IL1RAP: variants seen among roughly 807,000 people sequenced by gnomAD.
The protein encoded by IL1RAP is interleukin 1 receptor accessory protein.
Under a neutral mutation model 60.7 loss-of-function variants are expected in IL1RAP, and 35 were observed. The ratio of observed to expected loss-of-function variants is 0.58; its 90% CI spans 0.44 to 0.76. IL1RAP has a LOEUF of 0.76. Among genes scored for constraint, IL1RAP ranks in the 30% least tolerant of loss-of-function variants. The pLI, the probability that IL1RAP is intolerant of heterozygous loss-of-function variation, is 0.00. For synonymous variants in IL1RAP, 268 were observed against 250.9 expected (o/e 1.07, Z -0.64); for missense variants, 572 against 693.9 (o/e 0.82, Z 1.97).
At chr3:190,589,965 G>C (rs1390880668) in intron 3 of IL1RAP, among the ~76,000 whole-genome samples, 1 of 152,144 alleles carries the variant, frequency 6.6e-6, no homozygotes, top group Non-Finnish European at 1.5e-5. Context: ...CTTGGCTCTG[G>C]TAAAAGGCAA....
At chr3:190,603,441 G>C (rs1056342716) in intron 3 of IL1RAP, among the ~76,000 whole-genome samples, 2 of 152,092 alleles carry the variant, frequency 1.3e-5, no homozygotes, top group African/African-American at 4.8e-5. Flanking sequence ...GAGGTCTACT[G>C]TCCTGCTGTC....
chr3:190,626,760 T>C (rs1732315870), intron 7 of IL1RAP, among the ~76,000 whole-genome samples: 1 of 134,244 alleles, frequency 7.4e-6, no homozygotes, highest in African/African-American at 2.9e-5. Context: ...AACCTCCACC[T>C]CCTGAGTTCA....
intron 3 of IL1RAP, among the ~76,000 whole-genome samples, chr3:190,575,055 G>T (rs2108658465): frequency 6.6e-6 from 1 of 152,208 alleles, no homozygotes; most frequent in Admixed American, 6.5e-5. Context: ...ATAAAAGGAT[G>T]ATAAGTATTG....
intron 3 of IL1RAP, among the ~76,000 whole-genome samples, chr3:190,585,211 T>G (rs572298749): frequency 1.3e-5 from 2 of 152,204 alleles, no homozygotes; most frequent in East Asian, 3.9e-4. Flanking sequence ...TGATGGGCAT[T>G]AGGGGATGAA....
intron 1 of IL1RAP, among the ~76,000 whole-genome samples, chr3:190,525,048 A>G (rs977931626): frequency 7.9e-5 from 12 of 152,128 alleles, no homozygotes; most frequent in African/African-American, 2.2e-4. Context: ...CTATTTATCT[A>G]TATATTTAGG....
intron 8 of IL1RAP, among the ~76,000 whole-genome samples, chr3:190,628,373 G>A (rs746453534): frequency 6.6e-6 from 1 of 152,220 alleles, no homozygotes; most frequent in Non-Finnish European, 1.5e-5. Flanking sequence ...GGAAAGTCAT[G>A]TTGTTCCACC....
At chr3:190,607,088 C>G (rs371395135) in intron 4 of IL1RAP, among the ~76,000 whole-genome samples, 1 of 152,088 alleles carries the variant, frequency 6.6e-6, no homozygotes, top group East Asian at 1.9e-4. Flanking sequence ...ACCTTCTGAG[C>G]GTTGTCACAA....
Position 190,633,215 on chromosome 3 carries a change from A to G in IL1RAP, c.1051+3717A>G, listed in dbSNP as rs535249245. Among the ~76,000 whole-genome samples, 5 of 152,314 alleles carry G rather than the reference A, an allele frequency of 3.3e-5. No homozygotes were observed. The East Asian group carries it at 9.6e-4, about 29-fold the overall frequency. ...TTAACAATACTGTATTTTCCAGTCC[A>G]TGGATATAATATATCTCTCCATTTA... is the stretch of plus-strand genomic sequence containing the variant. On this transcript the variant is annotated intron_variant, in intron 9 of 11. Coordinates refer to ENST00000447382, the MANE Select transcript of IL1RAP (RefSeq NM_002182.4).
rs997474672 is a variant in IL1RAP, at chr3:190,635,096, C to T, written c.1051+5598C>T. Among the ~76,000 whole-genome samples, 5 of 152,062 alleles carry T rather than the reference C, an allele frequency of 3.3e-5. No homozygotes were observed. In the South Asian group the frequency reaches 1.0e-3, roughly 32 times the overall value. ...TGAGATTTTCTGTTTCTTCTTGTGG[C>T]AGTTTTGGCTTTCAAGGCATTTTTT... On this transcript the variant is annotated intron_variant, in intron 9 of 11. Transcript: ENST00000447382.
intron 1 of IL1RAP, among the ~76,000 whole-genome samples, chr3:190,533,981 C>A (rs1437762474): frequency 6.8e-6 from 1 of 147,922 alleles, no homozygotes; most frequent in Non-Finnish European, 1.5e-5. Context: ...TTTTTCTTTT[C>A]TTTTAATTGG....
chr3:190,548,757 G>A (rs1560158921), intron 1 of IL1RAP, among the ~76,000 whole-genome samples: 1 of 152,222 alleles, frequency 6.6e-6, no homozygotes, highest in Non-Finnish European at 1.5e-5. Context: ...CTCTGGAGAA[G>A]CTGCAGAAGG....
At chr3:190,634,777 G>A (rs1292807313) in intron 9 of IL1RAP, among the ~76,000 whole-genome samples, 7 of 148,066 alleles carry the variant, frequency 4.7e-5, no homozygotes, top group Non-Finnish European at 7.4e-5. Context: ...GTGCAGTGGC[G>A]CGATCTCGGC....
intron 1 of IL1RAP, among the ~76,000 whole-genome samples, chr3:190,552,243 C>T (rs537379462): frequency 6.6e-6 from 1 of 152,224 alleles, no homozygotes; most frequent in South Asian, 2.1e-4. Flanking sequence ...AGCAAAAATC[C>T]TTTTATAGCC....
intron 1 of IL1RAP, among the ~76,000 whole-genome samples, chr3:190,516,689 T>C (rs1721550875): frequency 6.6e-6 from 1 of 152,024 alleles, no homozygotes; most frequent in Non-Finnish European, 1.5e-5. Flanking sequence ...GAGCAGTTTA[T>C]TTAATCATTT....
At chr3:190,629,520 G>A in intron 9 of IL1RAP, 22 bp downstream of exon 9, 1 of 1,591,060 alleles carries the variant, frequency 6.3e-7, no homozygotes, top group Non-Finnish European at 8.5e-7. Context: ...GGTCAGTGAT[G>A]AATCTCTCAG....
intron 1 of IL1RAP, among the ~76,000 whole-genome samples, chr3:190,551,257 C>T (rs550802291): frequency 7.7e-4 from 118 of 152,290 alleles, no homozygotes; most frequent in African/African-American, 2.7e-3. Flanking sequence ...AGCTTGACTC[C>T]TTAAAGGGGA....
intron 8 of IL1RAP, among the ~76,000 whole-genome samples, chr3:190,628,482 A>G (rs1358433223): frequency 6.6e-6 from 1 of 152,234 alleles, no homozygotes; most frequent in Non-Finnish European, 1.5e-5. Context: ...CATACCTGAC[A>G]GTAAGCCTAG....
At chr3:190,627,171 A>G in intron 7 of IL1RAP, 152 bp from the exon 8 acceptor site, 1 of 633,090 alleles carries the variant, frequency 1.6e-6, no homozygotes, top group Non-Finnish European at 2.7e-6. Flanking sequence ...GGTACACATA[A>G]CTCGTAGCTT....
intron 5 of IL1RAP, among the ~76,000 whole-genome samples, chr3:190,610,413 A>C (rs1255647816): frequency 6.6e-6 from 1 of 152,010 alleles, no homozygotes; most frequent in Non-Finnish European, 1.5e-5. Context: ...AAAATAAATC[A>C]TTTTAGAAAT....
Sources: gnomAD v4.1 joint callset for allele counts (sites outside exome capture counted in the v4.1 genomes callset) on GRCh38, gnomAD v4.1.1 for gene constraint, MANE v1.5 for transcripts, NCBI Gene and HGNC (gene_info 2026-07-23, HGNC 2026-07-21) for gene names.